Variants in AAR2 observed in about 807,000 individuals in gnomAD.
The protein encoded by AAR2 is AAR2 splicing factor.
Under a neutral mutation model 26.9 loss-of-function variants are expected in AAR2, and 31 were observed. The ratio of observed to expected loss-of-function variants is 1.15; its 90% CI spans 0.86 to 1.55. AAR2 has a LOEUF of 1.55. AAR2 is among the 40% of genes most tolerant of loss of function. AAR2 has a pLI of 0.00. For synonymous variants in AAR2, 188 were observed against 196.1 expected, an observed-to-expected ratio of 0.96 and a Z score of 0.34; for missense variants, 430 against 491.3, an observed-to-expected ratio of 0.88 and a Z score of 1.18.
rs1477495816 is a variant in AAR2, at chr20:36,256,604, T to C, written c.*859T>C. Reference sequence around the variant, plus strand: ...AAGGCCTTTACGAAGTTTTGTGCCTTCCAAGTGCTGAAGAAGACCTGGTCA... The same window carrying C: ...AAGGCCTTTACGAAGTTTTGTGCCTCCCAAGTGCTGAAGAAGACCTGGTCA... On this transcript the variant is annotated 3_prime_UTR_variant, in exon 4 of 4. Transcript: ENST00000320849. 1 of 152,216 alleles carries C rather than the reference T, an allele frequency of 6.6e-6. No individual in the cohort carries two copies. Among genetic ancestry groups the C allele is most frequent in the East Asian group, 1.9e-4 (1 of 5,184 alleles). The allele number at this position is 152,216 out of a possible 1,614,324, so 9.4% of individuals were successfully genotyped here. A position where few individuals can be genotyped will look rare whatever the true frequency, so the allele number is the denominator to read the frequency against.
chr20:36,237,390 G>A (rs1029105620), intron 1 of AAR2, among the ~76,000 whole-genome samples: 1 of 152,150 alleles, frequency 6.6e-6, no homozygotes, highest in African/African-American at 2.4e-5. Context: ...TGGTAGCTTG[G>A]ATTAGGGAGG....
intron 3 of AAR2, among the ~76,000 whole-genome samples, chr20:36,245,905 A>T (rs553141419): frequency 1.3e-5 from 2 of 152,204 alleles, no homozygotes; most frequent in African/African-American, 4.8e-5. Flanking sequence ...CTGTAGTCCT[A>T]GCCACTTGGG....
At chr20:36,237,749 C>CGTA (rs1569422239) in intron 1 of AAR2, among the ~76,000 whole-genome samples, 1 of 128,286 alleles carries the variant, frequency 7.8e-6, no homozygotes, top group Non-Finnish European at 1.7e-5. Context: ...GAAGATGATA[C>CGTA]GTATTATTAT....
intron 3 of AAR2, among the ~76,000 whole-genome samples, chr20:36,248,305 T>A (rs2064753651): frequency 2.6e-5 from 4 of 152,130 alleles, no homozygotes; most frequent in Admixed American, 2.6e-4. Context: ...ACGAGGCCTA[T>A]TTTTTGTTCA....
At chr20:36,245,750 G>A (rs1181437813) in intron 3 of AAR2, among the ~76,000 whole-genome samples, 1 of 152,202 alleles carries the variant, frequency 6.6e-6, no homozygotes, top group African/African-American at 2.4e-5. Flanking sequence ...GCTGGGCGTG[G>A]TGGTTCATGA....
In AAR2 at chr20:36,240,469, A is replaced by G. The variant is rs1046622376; in HGVS notation, c.601A>G (p.Arg201Gly). The G allele has an allele frequency of 1.2e-6, 2 of 1,614,190 alleles. No homozygotes were observed. Among genetic ancestry groups the G allele is most frequent in the Non-Finnish European group, 1.7e-6 (2 of 1,180,038 alleles). ...GGCCCGGCTACCAGAGATGAAGCCC[A>G]GAGCCGGGACAGAGATCCGCTTCTC... ...GLARLPEMKP[R>G]AGTEIRFSEL... is the part of the protein sequence containing the mutation. The change falls in exon 2 of 4, where the codon AGA (arginine) becomes GGA (glycine). Residue 201 changes from arginine (R) to glycine (G), a missense_variant. Arg to Gly is a moderately radical substitution (Grantham distance 125). Transcript: ENST00000320849.
At chr20:36,243,092 A>G (rs1043500094) in intron 2 of AAR2, among the ~76,000 whole-genome samples, 7 of 152,048 alleles carry the variant, frequency 4.6e-5, no homozygotes, top group East Asian at 1.9e-4. Context: ...AACTCAAGCA[A>G]TCCTCCTCCA....
chr20:36,241,958 A>C (rs1455052386), intron 2 of AAR2, among the ~76,000 whole-genome samples: 2 of 152,150 alleles, frequency 1.3e-5, no homozygotes, highest in Admixed American at 6.5e-5. Context: ...AGTTTAACAA[A>C]GGCCTCTTCC....
In AAR2 at chr20:36,244,869, C is replaced by A; in HGVS notation, c.930C>A (p.Pro310=). 6.2e-7 allele frequency: 1 copy of A among 1,614,176 alleles called. No individual in the cohort carries two copies. The highest frequency in any genetic ancestry group is 8.5e-7 in the Non-Finnish European group (1 of 1,180,038). The part of the protein sequence containing the change: ...SILYHQLGEI[P]ADFFVDIVSQ... ...TGTACCACCAGCTTGGTGAGATCCCCGCTGACTTCTTCGTAGACATTGTCT... is the reference window on the plus strand; with the variant it reads ...TGTACCACCAGCTTGGTGAGATCCCAGCTGACTTCTTCGTAGACATTGTCT... The change falls in exon 3 of 4, where the codon CCC becomes CCA. Residue 310 remains proline, a synonymous_variant. Coordinates refer to ENST00000320849, the MANE Select transcript of AAR2 (RefSeq NM_001271874.2).
At chr20:36,247,238 A>G (rs1322608633) in intron 3 of AAR2, among the ~76,000 whole-genome samples, 1 of 152,212 alleles carries the variant, frequency 6.6e-6, no homozygotes, top group African/African-American at 2.4e-5. Context: ...GTCCTGCCCT[A>G]GTACCATTTC....
chr20:36,255,277 C>T (rs2064810192), intron 3 of AAR2, among the ~76,000 whole-genome samples: 2 of 152,244 alleles, frequency 1.3e-5, no homozygotes. Context: ...GTAGCTACTA[C>T]CTGTTCCTCT....
rs1234801510 is a variant in AAR2 at position 36,255,804 on chromosome 20, C to T, written c.*59C>T. On this transcript the variant is annotated 3_prime_UTR_variant, in exon 4 of 4. Coordinates refer to ENST00000320849, the MANE Select transcript of AAR2 (RefSeq NM_001271874.2). ...TCCCACAGGGCTGCAGTCCTGGCCTCTCCATTTACTTCTTCCCATCCTGGG... is the reference window on the plus strand; with the variant it reads ...TCCCACAGGGCTGCAGTCCTGGCCTTTCCATTTACTTCTTCCCATCCTGGG... 1 of 1,582,000 alleles carries T rather than the reference C, an allele frequency of 6.3e-7. No individual in the cohort carries two copies. Among genetic ancestry groups the T allele is most frequent in the Non-Finnish European group, 8.6e-7 (1 of 1,161,696 alleles).
intron 2 of AAR2, among the ~76,000 whole-genome samples, chr20:36,244,213 G>A (rs1228865405): frequency 2.6e-5 from 4 of 152,164 alleles, no homozygotes; most frequent in Admixed American, 6.5e-5. Context: ...TGACCCTGGA[G>A]CAGACCATCC....
intron 1 of AAR2, chr20:36,236,783 G>C (rs960096461): frequency 1.8e-4 from 28 of 152,254 alleles, no homozygotes; most frequent in Admixed American, 1.3e-4. Flanking sequence ...GTGACTTCCA[G>C]TAAGGTCTTT....
chr20:36,238,831 T>C (rs2064646490), intron 1 of AAR2, among the ~76,000 whole-genome samples: 1 of 152,000 alleles, frequency 6.6e-6, no homozygotes, highest in Admixed American at 6.6e-5. Flanking sequence ...ACGTCTTGGC[T>C]AGATTGGAAT....
chr20:36,240,724 C>T (rs1042427105), intron 2 of AAR2, 99 bp downstream of exon 2: 3 of 1,431,462 alleles, frequency 2.1e-6, no homozygotes, highest in African/African-American at 2.9e-5. Context: ...CCAGCAGCAA[C>T]TAAACCTGGC....
At position 36,242,405 on chromosome 20, in the gene AAR2, TGTTGAG is replaced by T. The variant is rs1360845775; in HGVS notation, c.757+1781_757+1786del. Reference sequence around the variant, plus strand: ...TTGTTGTTGTTGTTGTTGTTGTTGTTGTTGAGACGGAGTCTTGCTCTGTCGCCCAGG... The same window carrying T: ...TTGTTGTTGTTGTTGTTGTTGTTGTTACGGAGTCTTGCTCTGTCGCCCAGG... On this transcript the variant is annotated intron_variant, in intron 2 of 3. Transcript: ENST00000320849. 2.0e-5 allele frequency among the ~76,000 whole-genome samples: 3 copies of T among 148,926 alleles called. No individual in the cohort carries two copies. The East Asian group carries it at 5.8e-4, about 29-fold the overall frequency.
At chr20:36,237,065 A>C (rs1301998040) in intron 1 of AAR2, among the ~76,000 whole-genome samples, 1 of 152,218 alleles carries the variant, frequency 6.6e-6, no homozygotes, top group Non-Finnish European at 1.5e-5. Flanking sequence ...ATCAGAAAAA[A>C]GGATTTGACA....
rs1376523914 is a variant in AAR2 at position 36,240,482 on chromosome 20, A to G, written c.614A>G (p.Glu205Gly). Residue 205 changes from glutamate to glycine, a missense_variant, in exon 2 of 4, where the codon GAG becomes GGG. Glu to Gly is a moderately conservative substitution (Grantham distance 98). Transcript: ENST00000320849. ...LPEMKPRAGTEIRFSELPTQM... is the reference protein window; with the variant it reads ...LPEMKPRAGTGIRFSELPTQM... Reference sequence around the variant, plus strand: ...GAGATGAAGCCCAGAGCCGGGACAGAGATCCGCTTCTCAGAGCTGCCCACG... The same window carrying G: ...GAGATGAAGCCCAGAGCCGGGACAGGGATCCGCTTCTCAGAGCTGCCCACG... The G allele has an allele frequency of 1.2e-6, 2 of 1,614,054 alleles. No homozygotes were observed. Among genetic ancestry groups the G allele is most frequent in the African/African-American group, 1.3e-5 (1 of 74,930 alleles).
Sources: allele counts gnomAD v4.1 joint callset (sites outside exome capture counted in the v4.1 genomes callset), GRCh38; gene constraint gnomAD v4.1.1; transcripts MANE v1.5; gene names NCBI Gene and HGNC (gene_info 2026-07-23, HGNC 2026-07-21).